SUPT3H: variants seen among roughly 807,000 people sequenced by gnomAD.
SUPT3H encodes transcription initiation protein SPT3 homolog.
Under a neutral mutation model 44.3 loss-of-function variants are expected in SUPT3H, and 44 were observed. The observed-to-expected ratio is 0.99, with a 90% CI of 0.78 to 1.28. SUPT3H has a LOEUF of 1.28. Among genes scored for constraint, SUPT3H ranks in the 50% most tolerant of loss-of-function variants. SUPT3H has a pLI of 0.00. For missense variants in SUPT3H, 380 were observed against 387.1 expected, an observed-to-expected ratio of 0.98 and a Z score of 0.15; for synonymous variants, 124 against 125.6, an observed-to-expected ratio of 0.99 and a Z score of 0.09.
At chr6:45,245,577 G>A (rs1356297869) in intron 2 of SUPT3H, among the ~76,000 whole-genome samples, 1 of 152,076 alleles carries the variant, frequency 6.6e-6, no homozygotes, top group Non-Finnish European at 1.5e-5. Flanking sequence ...TTAGCCTAAT[G>A]TTTTCTAAAA....
At chr6:44,990,906 A>G (rs1562213912) in intron 6 of SUPT3H, among the ~76,000 whole-genome samples, 1 of 151,826 alleles carries the variant, frequency 6.6e-6, no homozygotes, top group African/African-American at 2.4e-5. Flanking sequence ...AATAATTATT[A>G]TACTTTTATG....
chr6:45,071,177 A>T (rs1303926374), intron 3 of SUPT3H, among the ~76,000 whole-genome samples: 1 of 152,132 alleles, frequency 6.6e-6, no homozygotes, highest in Non-Finnish European at 1.5e-5. Flanking sequence ...TTTCAAGTTA[A>T]TTGGGATATA....
intron 2 of SUPT3H, among the ~76,000 whole-genome samples, chr6:45,295,538 A>C (rs1253574554): frequency 3.4e-5 from 5 of 147,328 alleles, no homozygotes; most frequent in African/African-American, 1.0e-4. Flanking sequence ...AAAAAAAAAA[A>C]AAAAAAAAAA....
At chr6:45,143,829 T>G (rs1385690977) in intron 2 of SUPT3H, among the ~76,000 whole-genome samples, 1 of 151,578 alleles carries the variant, frequency 6.6e-6, no homozygotes, top group African/African-American at 2.4e-5. Flanking sequence ...AGAGAGAAGA[T>G]CCAAATAAGC....
At chr6:44,881,944 A>G (rs1413816462) in intron 10 of SUPT3H, among the ~76,000 whole-genome samples, 2 of 152,192 alleles carry the variant, frequency 1.3e-5, no homozygotes, top group Non-Finnish European at 2.9e-5. Flanking sequence ...GGAAAGATCC[A>G]AAATCGACAC....
intron 2 of SUPT3H, among the ~76,000 whole-genome samples, chr6:45,120,350 C>G (rs1038245792): frequency 3.1e-5 from 4 of 127,024 alleles, no homozygotes; most frequent in Non-Finnish European, 6.3e-5. Flanking sequence ...TTTGGGAGGT[C>G]GAGGAGGGAG....
chr6:45,305,874 T>G (rs1402714521), intron 2 of SUPT3H, among the ~76,000 whole-genome samples: 1 of 152,190 alleles, frequency 6.6e-6, no homozygotes, highest in Non-Finnish European at 1.5e-5. Context: ...AACTTCATAT[T>G]CCCTGGGCTA....
rs568345125 is a variant in SUPT3H at position 44,924,246 on chromosome 6, T to C, written c.912+8407A>G. ...GCACCAAGACTTTTGCAGGCCTGTATAGCACATTATTAAAAACGGCTGTAT... is the reference window on the plus strand; with the variant it reads ...GCACCAAGACTTTTGCAGGCCTGTACAGCACATTATTAAAAACGGCTGTAT... On this transcript the variant is annotated intron_variant, in intron 10 of 10. Transcript: ENST00000371459. 5.9e-5 allele frequency among the ~76,000 whole-genome samples: 9 copies of C among 152,194 alleles called. No homozygotes were observed. The East Asian group carries it at 1.7e-3, about 29-fold the overall frequency.
chr6:44,975,459 T>C lies in SUPT3H; in HGVS notation c.505-13631A>G, dbSNP rs541129741. The stretch of plus-strand genomic sequence containing the variant: ...GCTGGATGGAGTTGGAGATCATTAT[T>C]CTAAGTGAATTATCTCAGGAATGAA... On this transcript the variant is annotated intron_variant, in intron 6 of 10. Transcript: ENST00000371459. 1.6e-4 allele frequency among the ~76,000 whole-genome samples: 25 copies of C among 152,308 alleles called. No individual in the cohort carries two copies. The South Asian group carries it at 4.6e-3, about 28-fold the overall frequency.
intron 2 of SUPT3H, among the ~76,000 whole-genome samples, chr6:45,232,262 C>T (rs1362192898): frequency 6.6e-6 from 1 of 152,132 alleles, no homozygotes; most frequent in Admixed American, 6.6e-5. Context: ...GCCCCTTTGG[C>T]TTTGATTATC....
chr6:45,187,415 C>A (rs201966292), intron 2 of SUPT3H, among the ~76,000 whole-genome samples: 14 of 146,426 alleles, frequency 9.6e-5, no homozygotes, highest in African/African-American at 1.5e-4. Flanking sequence ...AACTCCGTTT[C>A]AAAAAAAAAA....
At chr6:44,825,002 G>A (rs117177767), downstream of SUPT3H, among the ~76,000 whole-genome samples, 41 of 152,288 alleles carry the variant, frequency 2.7e-4, no homozygotes, top group East Asian at 7.7e-3. Context: ...TGTATCTGCT[G>A]CTGCAAACAC....
At chr6:45,289,945 G>A (rs1780047615) in intron 2 of SUPT3H, among the ~76,000 whole-genome samples, 1 of 152,302 alleles carries the variant, frequency 6.6e-6, no homozygotes, top group Admixed American at 6.5e-5. Flanking sequence ...GCATGTTGGA[G>A]GCTGACGCAG....
chr6:45,238,052 T>C (rs774701142), intron 2 of SUPT3H, among the ~76,000 whole-genome samples: 20 of 152,184 alleles, frequency 1.3e-4, no homozygotes, highest in Admixed American at 6.5e-4. Context: ...AGCATTTTCA[T>C]TGGAAAGTGT....
At chr6:44,859,218 G>C (rs1256725176) in intron 10 of SUPT3H, among the ~76,000 whole-genome samples, 1 of 152,182 alleles carries the variant, frequency 6.6e-6, no homozygotes. Context: ...GTCTCTTAGT[G>C]AAAGGTATTT....
intron 3 of SUPT3H, among the ~76,000 whole-genome samples, chr6:45,035,230 T>A (rs1787499560): frequency 6.6e-6 from 1 of 152,142 alleles, no homozygotes; most frequent in Admixed American, 6.6e-5. Flanking sequence ...AGTTGATGGA[T>A]TAGACCTGAC....
chr6:44,930,552 G>A, intron 10 of SUPT3H, among the ~76,000 whole-genome samples: 1 of 128,814 alleles, frequency 7.8e-6, no homozygotes, highest in African/African-American at 3.0e-5. Flanking sequence ...CAAACAGAGT[G>A]AGACTCCGTC....
chr6:45,256,123 T>G (rs1562804971), intron 2 of SUPT3H, among the ~76,000 whole-genome samples: 1 of 152,026 alleles, frequency 6.6e-6, no homozygotes, highest in Non-Finnish European at 1.5e-5. Context: ...GTGAGCCGAG[T>G]TTGCACCACT....
intron 10 of SUPT3H, among the ~76,000 whole-genome samples, chr6:44,900,532 A>G (rs1230642027): frequency 6.6e-6 from 1 of 152,206 alleles, no homozygotes; most frequent in Non-Finnish European, 1.5e-5. Flanking sequence ...AGGAAGCTCG[A>G]ACTGGGTGGA....
Sources: gnomAD v4.1 joint callset for allele counts (sites outside exome capture counted in the v4.1 genomes callset) on GRCh38, gnomAD v4.1.1 for gene constraint, MANE v1.5 for transcripts, NCBI Gene and HGNC (gene_info 2026-07-23, HGNC 2026-07-21) for gene names.